PHACTR3: variants seen among roughly 807,000 people sequenced by gnomAD.
PHACTR3 encodes phosphatase and actin regulator 3, also known as protein phosphatase 1, regulatory subunit 123.
A neutral mutation model predicts 66.8 loss-of-function variants in PHACTR3; 16 were observed. The ratio of observed to expected loss-of-function variants is 0.24; its 90% CI spans 0.16 to 0.36. PHACTR3 has a LOEUF of 0.36. Among genes scored for constraint, PHACTR3 ranks in the 10% least tolerant of loss-of-function variants. The probability of loss-of-function intolerance (pLI) is 1.00; values close to 1 mark genes in which losing one functional copy is unlikely to be tolerated. For synonymous variants in PHACTR3, 323 were observed against 292.1 expected (o/e 1.11, Z -1.08); for missense variants, 647 against 719.9 (o/e 0.90, Z 1.16).
intron 1 of PHACTR3, among the ~76,000 whole-genome samples, chr20:59,587,504 A>G (rs2033067543): frequency 6.6e-6 from 1 of 152,228 alleles, no homozygotes; most frequent in Non-Finnish European, 1.5e-5. Flanking sequence ...CTGCCAGAAC[A>G]ATTTACCACC....
chr20:59,826,245 C>T (rs1277459038), intron 8 of PHACTR3, among the ~76,000 whole-genome samples: 1 of 152,118 alleles, frequency 6.6e-6, no homozygotes, highest in Admixed American at 6.5e-5. Context: ...TGGAGCTCTG[C>T]TCCTCAGCAG....
intron 2 of PHACTR3, among the ~76,000 whole-genome samples, chr20:59,744,904 G>T (rs1466557913): frequency 6.6e-6 from 1 of 152,214 alleles, no homozygotes; most frequent in Non-Finnish European, 1.5e-5. Flanking sequence ...CTCCGGCGAG[G>T]CTGCAAGGCA....
chr20:59,669,680 T>C (rs1044510655), intron 1 of PHACTR3, among the ~76,000 whole-genome samples: 4 of 152,250 alleles, frequency 2.6e-5, no homozygotes, highest in African/African-American at 9.6e-5. Context: ...TCTGTTTCTT[T>C]AGATTTGCCT....
At chr20:59,832,518 A>C (rs1324607855) in intron 8 of PHACTR3, among the ~76,000 whole-genome samples, 1 of 152,136 alleles carries the variant, frequency 6.6e-6, no homozygotes, top group Non-Finnish European at 1.5e-5. Flanking sequence ...GCAGGTCCGT[A>C]TCTCTTGGTA....
intron 1 of PHACTR3, among the ~76,000 whole-genome samples, chr20:59,587,306 C>T (rs1017931663): frequency 1.3e-5 from 2 of 152,214 alleles, no homozygotes; most frequent in African/African-American, 4.8e-5. Context: ...GCAGGTTGCA[C>T]AGAGGTGGGA....
chr20:59,678,820 C>G (rs1012331342), intron 1 of PHACTR3, among the ~76,000 whole-genome samples: 5 of 152,142 alleles, frequency 3.3e-5, no homozygotes, highest in African/African-American at 4.8e-5. Flanking sequence ...AGGGTAGGCA[C>G]TCCTCCTCCT....
chr20:59,743,027 G>A (rs963470637), intron 1 of PHACTR3, 80 bp from the exon 2 acceptor site: 20 of 1,485,092 alleles, frequency 1.3e-5, no homozygotes, highest in Middle Eastern at 2.5e-4. Context: ...CCCTTAGGGT[G>A]AGAGGTCATC....
At chr20:59,691,062 A>G (rs2037090747) in intron 1 of PHACTR3, among the ~76,000 whole-genome samples, 1 of 152,196 alleles carries the variant, frequency 6.6e-6, no homozygotes, top group Non-Finnish European at 1.5e-5. Flanking sequence ...TGATACTATC[A>G]AGAAAGAGGC....
At chr20:59,773,042 C>G (rs547162904) in intron 5 of PHACTR3, among the ~76,000 whole-genome samples, 4 of 152,284 alleles carry the variant, frequency 2.6e-5, no homozygotes, top group East Asian at 3.9e-4. Flanking sequence ...GTGCTGGTGT[C>G]TGCAAGGCTT....
chr20:59,690,488 T>C (rs2037071013), intron 1 of PHACTR3, among the ~76,000 whole-genome samples: 1 of 152,166 alleles, frequency 6.6e-6, no homozygotes, highest in Non-Finnish European at 1.5e-5. Flanking sequence ...CAAGGTCACA[T>C]ATAGCTTTAG....
At chr20:59,823,103 C>G (rs2042095703) in intron 8 of PHACTR3, among the ~76,000 whole-genome samples, 1 of 152,200 alleles carries the variant, frequency 6.6e-6, no homozygotes, top group Non-Finnish European at 1.5e-5. Flanking sequence ...GATCTTAGCC[C>G]TGGGAGCAGG....
At chr20:59,611,441 C>T (rs1184175981) in intron 1 of PHACTR3, among the ~76,000 whole-genome samples, 1 of 152,252 alleles carries the variant, frequency 6.6e-6, no homozygotes, top group Non-Finnish European at 1.5e-5. Flanking sequence ...TGGTCAGCCT[C>T]TCTGAGTTCT....
chr20:59,791,335 A>G (rs144302217), intron 7 of PHACTR3, among the ~76,000 whole-genome samples: 50 of 152,286 alleles, frequency 3.3e-4, no homozygotes, highest in African/African-American at 1.2e-3. Flanking sequence ...CTGTGAGCCA[A>G]TAAATTTCTG....
At chr20:59,584,883 G>A (rs1404326747) in intron 1 of PHACTR3, among the ~76,000 whole-genome samples, 1 of 152,044 alleles carries the variant, frequency 6.6e-6, no homozygotes, top group Non-Finnish European at 1.5e-5. Context: ...CTTCATATAA[G>A]GACACCAGTC....
At chr20:59,768,678 G>T (rs935265089) in intron 5 of PHACTR3, among the ~76,000 whole-genome samples, 3 of 152,250 alleles carry the variant, frequency 2.0e-5, no homozygotes, top group Admixed American at 6.5e-5. Flanking sequence ...GAGCTCGGGA[G>T]GGCTGGGTCC....
intron 1 of PHACTR3, among the ~76,000 whole-genome samples, chr20:59,725,049 G>A (rs2038508760): frequency 6.6e-6 from 1 of 152,106 alleles, no homozygotes; most frequent in Non-Finnish European, 1.5e-5. Context: ...TGTGCTGTGT[G>A]CTCAGTGAGG....
At chr20:59,633,122 C>G (rs1568947163) in intron 1 of PHACTR3, among the ~76,000 whole-genome samples, 1 of 152,322 alleles carries the variant, frequency 6.6e-6, no homozygotes, top group East Asian at 1.9e-4. Context: ...CCCAGTGACA[C>G]AGCGTGTGCT....
At chr20:59,617,604 C>T (rs2034076709) in intron 1 of PHACTR3, among the ~76,000 whole-genome samples, 1 of 151,640 alleles carries the variant, frequency 6.6e-6, no homozygotes, top group African/African-American at 2.4e-5. Context: ...AAATCTTTAG[C>T]AAGGAGGAGG....
At chr20:59,683,885 A>G (rs1010001209) in intron 1 of PHACTR3, among the ~76,000 whole-genome samples, 3 of 152,202 alleles carry the variant, frequency 2.0e-5, no homozygotes, top group Admixed American at 6.5e-5. Context: ...AGCAGCCGTT[A>G]TAGTGGGTAG....
Sources: gnomAD v4.1 joint callset for allele counts (sites outside exome capture counted in the v4.1 genomes callset) on GRCh38, gnomAD v4.1.1 for gene constraint, MANE v1.5 for transcripts, NCBI Gene and HGNC (gene_info 2026-07-23, HGNC 2026-07-21) for gene names.